FER: variants seen among roughly 807,000 people sequenced by gnomAD.
FER encodes the protein tyrosine-protein kinase Fer.
FER carries 63 observed loss-of-function variants against 111.0 expected under a neutral mutation model. The observed-to-expected ratio is 0.57, with a 90% CI of 0.46 to 0.70. The LOEUF (loss-of-function observed/expected upper bound fraction) is 0.70. Ranked by LOEUF, FER falls within the 30% of genes least tolerant of loss-of-function variation. The probability of loss-of-function intolerance (pLI) is 0.00; values close to 1 mark genes in which losing one functional copy is unlikely to be tolerated. For missense variants in FER, 914 were observed against 954.0 expected, an observed-to-expected ratio of 0.96 and a Z score of 0.55; for synonymous variants, 327 against 313.9, an observed-to-expected ratio of 1.04 and a Z score of -0.44.
chr5:108,981,825 G>C (rs1262477762), intron 13 of FER, among the ~76,000 whole-genome samples: 1 of 152,004 alleles, frequency 6.6e-6, no homozygotes, highest in Non-Finnish European at 1.5e-5. Flanking sequence ...TTGACTTGAG[G>C]GTATTTTGTC....
intron 16 of FER, among the ~76,000 whole-genome samples, chr5:109,074,972 A>G (rs17450138): frequency 0.13 from 20,149 of 152,296 alleles, 1,527 homozygotes; most frequent in Non-Finnish European, 0.15. Context: ...TATTCTGTGT[A>G]TCAGTATGGA....
At chr5:109,142,021 G>A (rs778800841) in intron 17 of FER, among the ~76,000 whole-genome samples, 7 of 152,066 alleles carry the variant, frequency 4.6e-5, no homozygotes, top group South Asian at 2.1e-4. Context: ...TCCAAGGTCC[G>A]TTTTTCCTGG....
chr5:108,833,828 C>G (rs964878276), intron 4 of FER, among the ~76,000 whole-genome samples: 1 of 150,494 alleles, frequency 6.6e-6, no homozygotes, highest in African/African-American at 2.4e-5. Flanking sequence ...GAGCGGAGAT[C>G]GCACCACTGC....
At chr5:108,875,093 A>C (rs1280946728) in intron 8 of FER, among the ~76,000 whole-genome samples, 1 of 152,106 alleles carries the variant, frequency 6.6e-6, no homozygotes, top group East Asian at 1.9e-4. Flanking sequence ...TTTTATCGTA[A>C]TCTCATTATT....
intron 14 of FER, among the ~76,000 whole-genome samples, chr5:109,041,254 T>G (rs907895008): frequency 3.3e-5 from 5 of 152,074 alleles, no homozygotes; most frequent in Non-Finnish European, 7.4e-5. Context: ...GACTTGTAGA[T>G]TTGCTAAGGG....
At chr5:108,864,975 T>C (rs1244099641) in intron 5 of FER, among the ~76,000 whole-genome samples, 2 of 152,124 alleles carry the variant, frequency 1.3e-5, no homozygotes, top group African/African-American at 2.4e-5. Context: ...CGATATTGAT[T>C]CTTCCTACCC....
intron 9 of FER, among the ~76,000 whole-genome samples, chr5:108,889,027 A>G (rs1184661758): frequency 6.6e-6 from 1 of 151,932 alleles, no homozygotes; most frequent in Non-Finnish European, 1.5e-5. Flanking sequence ...AGAAACTTTC[A>G]AGTCCTGAAG....
At chr5:108,785,939 A>G (rs1290102896) in intron 2 of FER, among the ~76,000 whole-genome samples, 3 of 152,160 alleles carry the variant, frequency 2.0e-5, no homozygotes, top group African/African-American at 7.2e-5. Context: ...TGTCTCTTGC[A>G]GTATTTGTTT....
intron 13 of FER, among the ~76,000 whole-genome samples, chr5:109,030,277 C>T (rs900171595): frequency 2.0e-5 from 3 of 152,120 alleles, no homozygotes; most frequent in Non-Finnish European, 2.9e-5. Flanking sequence ...TTAAAATCCT[C>T]GTCAGGTAAT....
At chr5:108,842,359 A>C (rs376824553) in intron 5 of FER, 38 of 152,332 alleles carry the variant, frequency 2.5e-4, no homozygotes, top group African/African-American at 8.4e-4. Flanking sequence ...TTTCATGACC[A>C]AAAACTCAAA....
chr5:108,982,957 A>G (rs1035018388), intron 13 of FER, among the ~76,000 whole-genome samples: 21 of 152,082 alleles, frequency 1.4e-4, no homozygotes, highest in Admixed American at 1.2e-3. Flanking sequence ...CATACTAAAT[A>G]TGTTAACCGT....
intron 13 of FER, among the ~76,000 whole-genome samples, chr5:109,000,030 T>G (rs1764516544): frequency 6.6e-6 from 1 of 152,058 alleles, no homozygotes; most frequent in Admixed American, 6.6e-5. Flanking sequence ...TCCAGCAGTT[T>G]TTTTGATTCT....
chr5:108,828,878 G>C (rs558356147), intron 3 of FER, among the ~76,000 whole-genome samples: 5 of 152,230 alleles, frequency 3.3e-5, no homozygotes, highest in African/African-American at 1.2e-4. Flanking sequence ...CAGGATGATT[G>C]ATTGAGGCCA....
At chr5:109,033,986 G>A (rs1023213489) in intron 13 of FER, among the ~76,000 whole-genome samples, 1 of 152,122 alleles carries the variant, frequency 6.6e-6, no homozygotes, top group Non-Finnish European at 1.5e-5. Flanking sequence ...TTTTGGTAGT[G>A]AGATCATTTA....
intron 16 of FER, among the ~76,000 whole-genome samples, chr5:109,071,164 C>T (rs1054891845): frequency 1.3e-5 from 2 of 152,002 alleles, no homozygotes; most frequent in Admixed American, 6.5e-5. Context: ...TTCCAGGTTA[C>T]AATAGAAGGC....
chr5:108,851,560 A>C lies in FER; in HGVS notation c.481+15753A>C, dbSNP rs138306994. On this transcript the variant is annotated intron_variant, in intron 5 of 19. Coordinates refer to ENST00000281092, the MANE Select transcript of FER (RefSeq NM_005246.4). ...CATGTAGTACTTTGTTCAAAGTAAA[A>C]AAAACAAAAACAAAAATTAAGAGTA... Among the ~76,000 whole-genome samples the C allele has an allele frequency of 3.0e-4, 45 of 152,316 alleles. 1 individual carries two copies. In the East Asian group the frequency reaches 7.5e-3, roughly 25 times the overall value.
At position 108,879,720 on chromosome 5, in the gene FER, A is replaced by ATATATATATATATT. The variant is rs1372736461; in HGVS notation, c.924-3671_924-3670insATATATATTTATAT. Reference sequence around the variant, plus strand: ...AAAAAAAATATATATATATATATATATATATTTGAGGCAAAGTCTCACTCT... The same window carrying ATATATATATATATT: ...AAAAAAAATATATATATATATATATATATATATATATATTTATATTTGAGGCAAAGTCTCACTCT... On this transcript the variant is annotated intron_variant, in intron 8 of 19. Transcript: ENST00000281092. Among the ~76,000 whole-genome samples the ATATATATATATATT allele has an allele frequency of 2.8e-4, 40 of 140,620 alleles. No individual in the cohort carries two copies. In the East Asian group the frequency reaches 6.0e-3, roughly 21 times the overall value. The allele number at this position is 140,620 out of a possible 152,430, so 92.3% of individuals were successfully genotyped here.
intron 10 of FER, among the ~76,000 whole-genome samples, chr5:108,911,371 C>G (rs575186362): frequency 3.3e-5 from 5 of 151,690 alleles, no homozygotes; most frequent in African/African-American, 1.2e-4. Context: ...GATATTAGTA[C>G]TTTGTTAGAG....
At chr5:109,131,297 T>A (rs1376453801) in intron 17 of FER, among the ~76,000 whole-genome samples, 2 of 152,168 alleles carry the variant, frequency 1.3e-5, no homozygotes, top group African/African-American at 4.8e-5. Context: ...TAAAGATCTC[T>A]AAGGATTAGA....
Sources: gnomAD v4.1 joint callset for allele counts (sites outside exome capture counted in the v4.1 genomes callset) on GRCh38, gnomAD v4.1.1 for gene constraint, MANE v1.5 for transcripts, NCBI Gene and HGNC (gene_info 2026-07-23, HGNC 2026-07-21) for gene names.